SULF2: variants seen among roughly 807,000 people sequenced by gnomAD.
SULF2 encodes the protein sulfatase 2.
A neutral mutation model predicts 107.7 loss-of-function variants in SULF2; 52 were observed. The ratio of observed to expected loss-of-function variants is 0.48; its 90% CI spans 0.39 to 0.61. The LOEUF is 0.61. Ranked by LOEUF, SULF2 falls within the 20% of genes least tolerant of loss-of-function variation. The pLI is 0.00. For synonymous variants in SULF2, 460 were observed against 464.3 expected, an observed-to-expected ratio of 0.99 and a Z score of 0.12; for missense variants, 993 against 1,177.3, an observed-to-expected ratio of 0.84 and a Z score of 2.29.
At chr20:47,701,962 C>CT (rs767451153) in intron 4 of SULF2, among the ~76,000 whole-genome samples, 11 of 152,206 alleles carry the variant, frequency 7.2e-5, no homozygotes, top group South Asian at 2.1e-4. Flanking sequence ...ATGGTACACT[C>CT]TGTGTATGTA....
At chr20:47,739,525 A>C (rs887957566) in intron 2 of SULF2, among the ~76,000 whole-genome samples, 15 of 152,080 alleles carry the variant, frequency 9.9e-5, no homozygotes, top group African/African-American at 3.4e-4. Context: ...TGTCTCCTTC[A>C]AGTTATTGAT....
rs1193268489 is a variant in SULF2 at position 47,704,552 on chromosome 20, C to T, written c.416-1882G>A. Reference sequence around the variant, plus strand: ...CCTCCCAAGGTGCTGAGATGACAGGCGAGAGCCACCGTGTCTGGCTTGCAT... The same window carrying T: ...CCTCCCAAGGTGCTGAGATGACAGGTGAGAGCCACCGTGTCTGGCTTGCAT... On this transcript the variant is annotated intron_variant, in intron 3 of 20. Coordinates refer to ENST00000688720, the MANE Select transcript of SULF2 (RefSeq NM_001387048.1). Among the ~76,000 whole-genome samples the T allele has an allele frequency of 3.3e-5, 5 of 152,102 alleles. 1 individual carries two copies. The South Asian group carries it at 8.3e-4, about 25-fold the overall frequency.
At chr20:47,663,821 T>C (rs1429127084) in intron 15 of SULF2, among the ~76,000 whole-genome samples, 199 bp from the exon 16 acceptor site, 2 of 152,198 alleles carry the variant, frequency 1.3e-5, no homozygotes, top group African/African-American at 2.4e-5. Context: ...CATTCTACTT[T>C]AACTCCCAAG....
At chr20:47,781,395 C>T (rs112604410) in intron 1 of SULF2, among the ~76,000 whole-genome samples, 3 of 152,380 alleles carry the variant, frequency 2.0e-5, no homozygotes, top group African/African-American at 7.2e-5. Context: ...AGCAGTCAGC[C>T]TCCATCCAGC....
In SULF2 at chr20:47,671,959, C is replaced by T. The variant is rs536005450; in HGVS notation, c.1576+239G>A. Among the ~76,000 whole-genome samples, 36 of 152,320 alleles carry T rather than the reference C, an allele frequency of 2.4e-4. No homozygotes were observed. In the South Asian group the frequency reaches 7.0e-3, roughly 30 times the overall value. On this transcript the variant is annotated intron_variant, in intron 11 of 20. Transcript: ENST00000688720. The stretch of plus-strand genomic sequence containing the variant: ...TCCTGACCTCAGGTGATCTGCCTGC[C>T]TCGGACTCCCAAAGTACTGGGATTA...
intron 1 of SULF2, among the ~76,000 whole-genome samples, chr20:47,765,060 G>A (rs548490271): frequency 8.5e-5 from 13 of 152,224 alleles, no homozygotes; most frequent in Middle Eastern, 3.4e-3. Context: ...CCAACAAGAG[G>A]AGGAGAGAGG....
At position 47,746,994 on chromosome 20, in the gene SULF2, A is replaced by AAAT. The variant is rs1555853890; in HGVS notation, c.176-10053_176-10052insATT. Among the ~76,000 whole-genome samples, 511 of 131,832 alleles carry AAAT rather than the reference A, an allele frequency of 3.9e-3. 2 individuals are homozygous for AAAT. Among genetic ancestry groups the AAAT allele is most frequent in the Middle Eastern group, 0.012 (3 of 254 alleles). The allele number at this position is 131,832 out of a possible 152,430, so 86.5% of individuals were successfully genotyped here. On this transcript the variant is annotated intron_variant, in intron 2 of 20. Transcript: ENST00000688720. ...GAACTTAAATAAATAAAAAAAAAAAAATATATATATATATATATATATATA... is the reference window on the plus strand; with the variant it reads ...GAACTTAAATAAATAAAAAAAAAAAAAATATATATATATATATATATATATATA...
Position 47,672,230 on chromosome 20 carries a change from A to G in SULF2, c.1544T>C (p.Leu515Pro), listed in dbSNP as rs1207745596. 1 of 1,611,190 alleles carries G rather than the reference A, an allele frequency of 6.2e-7. No homozygotes were observed. Among genetic ancestry groups the G allele is most frequent in the Admixed American group, 1.7e-5 (1 of 59,954 alleles). The change falls in exon 11 of 21, where the codon CTG (leucine) becomes CCG (proline). Residue 515 changes from leucine (L) to proline (P), a missense_variant. Leu to Pro is a moderately conservative substitution (Grantham distance 98, BLOSUM62 -3). Coordinates refer to ENST00000688720, the MANE Select transcript of SULF2 (RefSeq NM_001387048.1). ...GAAGAGTTTTTTCCGGCGTCCGGCC[A>G]GGCTGAGCTTGTAGTCCCCGCTGTC... ...TCDSGDYKLS[L>P]AGRRKKLFKK...
intron 4 of SULF2, among the ~76,000 whole-genome samples, chr20:47,691,803 G>A (rs1401111985): frequency 2.0e-5 from 3 of 152,222 alleles, no homozygotes; most frequent in Admixed American, 1.3e-4. Context: ...TGGGCAAGAG[G>A]AGAGAAGAGT....
At chr20:47,780,015 C>CTTTTTTT (rs74178766) in intron 1 of SULF2, among the ~76,000 whole-genome samples, 2 of 120,494 alleles carry the variant, frequency 1.7e-5, no homozygotes, top group African/African-American at 3.2e-5. Flanking sequence ...CCCTAGTTGA[C>CTTTTTTT]TTTTTTTTTT....
rs6094797 is a variant in SULF2, at chr20:47,734,960, C to T, written c.415+1743G>A. ...CTTGAAATGATTGATTTTCTCATGT[C>T]GCCTGTAAGATTTTGAAACACTAGC... On this transcript the variant is annotated intron_variant, in intron 3 of 20. Transcript: ENST00000688720. Among the ~76,000 whole-genome samples the T allele has an allele frequency of 7.2e-3, 1,097 of 152,248 alleles. 11 individuals carry two copies. Among genetic ancestry groups the T allele is most frequent in the African/African-American group, 0.025 (1,059 of 41,540 alleles).
intron 3 of SULF2, among the ~76,000 whole-genome samples, chr20:47,719,389 A>G (rs6066447): frequency 0.15 from 22,672 of 152,194 alleles, 1,915 homozygotes; most frequent in Non-Finnish European, 0.2. Context: ...AGCTTCCCTT[A>G]TAGTTTCTGT....
intron 9 of SULF2, 88 bp from the exon 10 acceptor site, chr20:47,676,711 C>A: frequency 1.3e-6 from 2 of 1,490,466 alleles, no homozygotes; most frequent in Non-Finnish European, 1.8e-6. Context: ...GAGGGGTGCC[C>A]CCTCGGCTCC....
Position 47,694,990 on chromosome 20 carries a change from G to A in SULF2, c.568-4695C>T, listed in dbSNP as rs576700226. 1.1e-4 allele frequency among the ~76,000 whole-genome samples: 16 copies of A among 152,264 alleles called. No homozygotes were observed. The South Asian group carries it at 3.3e-3, about 32-fold the overall frequency. The stretch of plus-strand genomic sequence containing the variant: ...GGAGCCAAGGCCTTTGTATTTTTGG[G>A]TCAGGTCCATCTTTTTCTCCCCGCC... On this transcript the variant is annotated intron_variant, in intron 4 of 20. Coordinates refer to ENST00000688720, the MANE Select transcript of SULF2 (RefSeq NM_001387048.1). The surrounding 1 kb of genome is among the most constrained non-coding windows in gnomAD (Gnocchi z 4.4).
intron 3 of SULF2, among the ~76,000 whole-genome samples, chr20:47,714,705 C>T (rs1337244425): frequency 6.6e-6 from 1 of 152,176 alleles, no homozygotes; most frequent in Non-Finnish European, 1.5e-5. Flanking sequence ...CCTACAAAGT[C>T]CTATAACTGT....
At chr20:47,713,769 A>T (rs569917750) in intron 3 of SULF2, among the ~76,000 whole-genome samples, 47 of 152,192 alleles carry the variant, frequency 3.1e-4, no homozygotes, top group African/African-American at 1.1e-3. Context: ...AAAAATAATA[A>T]AAAACAAAAA....
intron 3 of SULF2, among the ~76,000 whole-genome samples, chr20:47,724,975 T>A (rs1484506250): frequency 6.6e-6 from 1 of 152,170 alleles, no homozygotes; most frequent in Non-Finnish European, 1.5e-5. Flanking sequence ...CTAACTGCAA[T>A]CTACAGGGAA....
chr20:47,672,085 G>T (rs2146445282), intron 11 of SULF2, 113 bp downstream of exon 11: 1 of 1,185,096 alleles, frequency 8.4e-7, no homozygotes, highest in Non-Finnish European at 1.2e-6. Context: ...CCAGCCCCTA[G>T]ATCACCACCT....
chr20:47,765,371 CAAA>C (rs11478422), intron 1 of SULF2, among the ~76,000 whole-genome samples: 5,489 of 138,280 alleles, frequency 0.04, 162 homozygotes, highest in Non-Finnish European at 0.062. Context: ...CAAAACAAAA[CAAA>C]AAAAAAAAAA....
Sources: allele counts gnomAD v4.1 joint callset (sites outside exome capture counted in the v4.1 genomes callset), GRCh38; gene constraint gnomAD v4.1.1; non-coding constraint Gnocchi (gnomAD v3.1); transcripts MANE v1.5; gene names NCBI Gene and HGNC (gene_info 2026-07-23, HGNC 2026-07-21).